The following TRMT1L variants were observed in gnomAD, a reference collection of about 807,000 sequenced individuals.
TRMT1L encodes the protein tRNA methyltransferase 1L.
TRMT1L carries 28 observed loss-of-function variants against 81.6 expected under a neutral mutation model. The observed-to-expected ratio is 0.34, with a 90% CI of 0.25 to 0.47. The LOEUF (loss-of-function observed/expected upper bound fraction) is 0.47, where lower values mean the gene tolerates loss of function less well. Ranked by LOEUF, TRMT1L falls within the 20% of genes least tolerant of loss-of-function variation. The pLI is 1.00. For missense variants in TRMT1L, 739 were observed against 877.1 expected (o/e 0.84, Z 1.99); for synonymous variants, 301 against 303.2 (o/e 0.99, Z 0.07).
chr1:185,131,022 G>A (rs1274835769), intron 10 of TRMT1L, among the ~76,000 whole-genome samples: 6 of 151,060 alleles, frequency 4.0e-5, no homozygotes, highest in Non-Finnish European at 8.8e-5. Context: ...TTTTTTTTGA[G>A]ACAGTCTCGC....
chr1:185,155,967 G>A (rs1381076420), intron 1 of TRMT1L, among the ~76,000 whole-genome samples: 1 of 152,184 alleles, frequency 6.6e-6, no homozygotes, highest in Non-Finnish European at 1.5e-5. Context: ...GCTGCTAGCG[G>A]GGGAAAAGAA....
At chr1:185,156,340 GCC>G (rs1653561205) in intron 1 of TRMT1L, 136 bp downstream of exon 1, 1 of 1,582,386 alleles carries the variant, frequency 6.3e-7, no homozygotes, top group Admixed American at 1.7e-5. Flanking sequence ...CGCTACACGG[GCC>G]CCTCTTTCCT....
chr1:185,121,402 G>GT (rs766384750), intron 13 of TRMT1L, among the ~76,000 whole-genome samples: 16 of 151,666 alleles, frequency 1.1e-4, no homozygotes, highest in Non-Finnish European at 1.9e-4. Flanking sequence ...GAGCCTAGGA[G>GT]TTTGAGTCTA....
chr1:185,151,938 G>GA lies in TRMT1L; in HGVS notation c.236-4dup, dbSNP rs374348515. 9.8e-3 allele frequency: 14,326 copies of GA among 1,464,932 alleles called. 73 individuals carry two copies. Among genetic ancestry groups the GA allele is most frequent in the South Asian group, 0.056 (4,274 of 76,058 alleles). The allele number at this position is 1,464,932 out of a possible 1,614,324, so 90.7% of individuals were successfully genotyped here. A position where few individuals can be genotyped will look rare whatever the true frequency, so the allele number is the denominator to read the frequency against. ...CCTTTGAATTGAGATGTGTCTCTCT[G>GA]AAAAAAAAAATTGAGAAGATTATGC... On this transcript the variant is annotated splice_polypyrimidine_tract_variant and splice_region_variant and intron_variant, in intron 1 of 14. Transcript: ENST00000367506.
Position 185,135,415 on chromosome 1 carries a change from C to CA in TRMT1L, c.1513+2190dup, listed in dbSNP as rs1196621264. Among the ~76,000 whole-genome samples, 637 of 68,114 alleles carry CA rather than the reference C, an allele frequency of 9.4e-3. 3 individuals are homozygous for CA. The highest frequency in any genetic ancestry group is 0.017 in the East Asian group (44 of 2,622). The allele number at this position is 68,114 out of a possible 152,430, so 44.7% of individuals were successfully genotyped here. A position where few individuals can be genotyped will look rare whatever the true frequency, so the allele number is the denominator to read the frequency against. ...TGGGTGACAGAATGAGACTCCGTCTCAAAAAAAAAAAAAAAGAAAGAAAAA... is the reference window on the plus strand; with the variant it reads ...TGGGTGACAGAATGAGACTCCGTCTCAAAAAAAAAAAAAAAAGAAAGAAAAA... On this transcript the variant is annotated intron_variant, in intron 10 of 14. Transcript: ENST00000367506.
chr1:185,157,264 T>C (rs932379164), upstream of TRMT1L: 13 of 152,930 alleles, frequency 8.5e-5, no homozygotes, highest in African/African-American at 2.9e-4. Context: ...CGGGGGTCCC[T>C]CTCCTTTGGC....
At chr1:185,124,388 AAAG>A (rs1476844407) in intron 12 of TRMT1L, among the ~76,000 whole-genome samples, 1 of 151,862 alleles carries the variant, frequency 6.6e-6, no homozygotes, top group African/African-American at 2.4e-5. Context: ...AACACACAAA[AAAG>A]GAGGTTATCT....
Position 185,140,095 on chromosome 1 carries a change from C to T in TRMT1L, c.987G>A (p.Val329=), listed in dbSNP as rs1238623441. Residue 329 remains valine (V), a synonymous_variant, in exon 8 of 15, where the codon GTG becomes GTA. Transcript: ENST00000367506. The part of the protein sequence containing the change: ...NCHLNKLKVV[V]DSKEKEKSDD... Reference sequence around the variant, plus strand: ...CACTCTTTTCCTTTTCCTTACTGTCCACCACCACTTTCAATTTGTTTAAAT... The same window carrying T: ...CACTCTTTTCCTTTTCCTTACTGTCTACCACCACTTTCAATTTGTTTAAAT... 4.3e-6 allele frequency: 7 copies of T among 1,613,594 alleles called. No homozygotes were observed. In the African/African-American group the frequency reaches 6.7e-5, roughly 15 times the overall value.
At chr1:185,125,900 G>T (rs561715203) in intron 11 of TRMT1L, among the ~76,000 whole-genome samples, 30 of 152,122 alleles carry the variant, frequency 2.0e-4, no homozygotes, top group Non-Finnish European at 3.7e-4. Context: ...TGAGTTTATG[G>T]TGGTAGGGTG....
At chr1:185,150,873 A>C (rs1478506543) in intron 2 of TRMT1L, among the ~76,000 whole-genome samples, 1 of 152,236 alleles carries the variant, frequency 6.6e-6, no homozygotes, top group East Asian at 1.9e-4. Flanking sequence ...GATTGGACAA[A>C]GAGCAAAAGT....
chr1:185,120,555 G>A (rs762883701), intron 13 of TRMT1L, 46 bp from the exon 14 acceptor site: 1 of 1,451,178 alleles, frequency 6.9e-7, no homozygotes, highest in Admixed American at 2.4e-5. Context: ...AAAATTACAA[G>A]CCAAATACTT....
At chr1:185,131,621 T>A (rs549176379) in intron 10 of TRMT1L, among the ~76,000 whole-genome samples, 4 of 151,194 alleles carry the variant, frequency 2.6e-5, no homozygotes, top group Non-Finnish European at 5.9e-5. Context: ...TGAAAAAATA[T>A]GAAATAACTC....
Position 185,120,100 on chromosome 1 carries a change from T to G in TRMT1L, c.2121A>C (p.Ser707=). ...TGGQSESHVQ[S]ASEDTVTERV... ...TTTCAGTTACTGTATCTTCAGATGC[T>G]GACTGGACATGGCTTTCTGACTGTC... Residue 707 remains serine (S), a synonymous_variant, in exon 15 of 15, where the codon TCA becomes TCC. Coordinates refer to ENST00000367506, the MANE Select transcript of TRMT1L (RefSeq NM_030934.5). 1.9e-6 allele frequency: 3 copies of G among 1,614,038 alleles called. No homozygotes were observed. The highest frequency in any genetic ancestry group is 2.5e-6 in the Non-Finnish European group (3 of 1,179,922).
At chr1:185,156,098 T>G (rs1653537267) in intron 1 of TRMT1L, among the ~76,000 whole-genome samples, 1 of 152,238 alleles carries the variant, frequency 6.6e-6, no homozygotes, top group Admixed American at 6.5e-5. Flanking sequence ...CCTCGGTTAC[T>G]ATGTCACATT....
chr1:185,133,352 C>T (rs1652819815), intron 10 of TRMT1L, among the ~76,000 whole-genome samples: 1 of 152,074 alleles, frequency 6.6e-6, no homozygotes, highest in Non-Finnish European at 1.5e-5. Flanking sequence ...TATGAGCCAC[C>T]ATGCCCGGAT....
At chr1:185,121,609 A>T (rs1256797579) in intron 13 of TRMT1L, among the ~76,000 whole-genome samples, 1 of 152,180 alleles carries the variant, frequency 6.6e-6, no homozygotes, top group South Asian at 2.1e-4. Context: ...TGAAATCTAA[A>T]ATTTGAAACT....
Position 185,156,720 on chromosome 1 carries a change from G to A in TRMT1L, c.-8C>T. 1 of 1,612,282 alleles carries A rather than the reference G, an allele frequency of 6.2e-7. No homozygotes were observed. Among genetic ancestry groups the A allele is most frequent in the Non-Finnish European group, 8.5e-7 (1 of 1,179,690 alleles). The stretch of plus-strand genomic sequence containing the variant: ...CTCCGCCATATTCTCCATAGTTACC[G>A]CCTCCGTGCCAAGCCCGCCCGGGGA... On this transcript the variant is annotated 5_prime_UTR_variant, in exon 1 of 15. Transcript: ENST00000367506.
At chr1:185,120,293 AAAAAT>A in intron 14 of TRMT1L, 22 bp from the exon 15 acceptor site, 1 of 1,509,500 alleles carries the variant, frequency 6.6e-7, no homozygotes, top group East Asian at 2.3e-5. Flanking sequence ...AAAGGAAAGA[AAAAAT>A]AATCAGGTTC....
At chr1:185,131,691 A>G (rs1381387485) in intron 10 of TRMT1L, among the ~76,000 whole-genome samples, 1 of 152,200 alleles carries the variant, frequency 6.6e-6, no homozygotes, top group Admixed American at 6.5e-5. Context: ...AAAATTAAGG[A>G]AAAAGTATAA....
Sources: gnomAD v4.1 joint callset for allele counts (sites outside exome capture counted in the v4.1 genomes callset) on GRCh38, gnomAD v4.1.1 for gene constraint, MANE v1.5 for transcripts, NCBI Gene and HGNC (gene_info 2026-07-23, HGNC 2026-07-21) for gene names.